The following ZFAT variants were observed in gnomAD, a reference collection of about 807,000 sequenced individuals.
ZFAT encodes the protein zinc finger and AT-hook domain containing, also known as zinc finger protein ZFAT.
Under a neutral mutation model 117.7 loss-of-function variants are expected in ZFAT, and 64 were observed. The ratio of observed to expected loss-of-function variants is 0.54; its 90% confidence interval spans 0.44 to 0.67. The LOEUF is 0.67. Ranked by LOEUF, ZFAT falls within the 30% of genes least tolerant of loss-of-function variation. The pLI is 0.00. For missense variants in ZFAT, 1,433 were observed against 1,584.5 expected (o/e 0.90, Z 1.62); for synonymous variants, 679 against 615.0 (o/e 1.10, Z -1.54).
chr8:134,503,621 C>T (rs1425036255), intron 15 of ZFAT, among the ~76,000 whole-genome samples: 4 of 152,180 alleles, frequency 2.6e-5, no homozygotes, highest in Non-Finnish European at 5.9e-5. Context: ...ATGGCCCTCC[C>T]TAGTGTGGGT....
At chr8:134,526,146 A>C (rs1821010385) in intron 12 of ZFAT, among the ~76,000 whole-genome samples, 1 of 152,236 alleles carries the variant, frequency 6.6e-6, no homozygotes, top group Middle Eastern at 3.2e-3. Flanking sequence ...TTAGGCTTTA[A>C]AATGAAATTA....
At chr8:134,485,048 T>C (rs970684624) in intron 15 of ZFAT, among the ~76,000 whole-genome samples, 1 of 152,134 alleles carries the variant, frequency 6.6e-6, no homozygotes, top group African/African-American at 2.4e-5. Flanking sequence ...TAAGAAGTGC[T>C]TGTTGTGGGT....
intron 1 of ZFAT, among the ~76,000 whole-genome samples, chr8:134,668,380 A>G (rs6998526): frequency 0.35 from 52,579 of 152,136 alleles, 9,465 homozygotes; most frequent in South Asian, 0.43. Context: ...CACCTCACAT[A>G]GCTGGGTACT....
chr8:134,594,509 A>G (rs1826769455), intron 7 of ZFAT, among the ~76,000 whole-genome samples: 1 of 152,246 alleles, frequency 6.6e-6, no homozygotes, highest in Non-Finnish European at 1.5e-5. Flanking sequence ...GCACTTCTCA[A>G]TGACAAAGGT....
the ZFAT span, among the ~76,000 whole-genome samples, chr8:134,820,903 CCT>C: frequency 6.6e-6 from 1 of 152,136 alleles, no homozygotes; most frequent in Non-Finnish European, 1.5e-5. Context: ...GTGTCTCGCC[CCT>C]GACACACCAG....
intron 13 of ZFAT, among the ~76,000 whole-genome samples, chr8:134,517,371 GCTCT>G (rs1249963261): frequency 6.6e-6 from 1 of 151,870 alleles, no homozygotes; most frequent in Non-Finnish European, 1.5e-5. Flanking sequence ...CTTCCATCTT[GCTCT>G]CTGTCTCCTT....
intron 1 of ZFAT, among the ~76,000 whole-genome samples, chr8:134,702,241 C>T (rs1199749532): frequency 6.6e-6 from 1 of 152,158 alleles, no homozygotes; most frequent in Non-Finnish European, 1.5e-5. Flanking sequence ...TTATAAGCAA[C>T]AGAAATCAGA....
At chr8:134,500,717 C>T (rs1489768228) in intron 15 of ZFAT, among the ~76,000 whole-genome samples, 1 of 152,082 alleles carries the variant, frequency 6.6e-6, no homozygotes, top group Non-Finnish European at 1.5e-5. Context: ...TTCAAACAAC[C>T]ACAGGAGAAC....
chr8:134,616,145 C>T (rs1586823401), intron 3 of ZFAT, among the ~76,000 whole-genome samples: 2 of 152,332 alleles, frequency 1.3e-5, no homozygotes, highest in East Asian at 1.9e-4. Context: ...CACCGCACTC[C>T]TGTACAAGCC....
intron 3 of ZFAT, among the ~76,000 whole-genome samples, chr8:134,619,323 A>G (rs1302829646): frequency 6.6e-6 from 1 of 152,204 alleles, no homozygotes; most frequent in Non-Finnish European, 1.5e-5. Context: ...TTCGAAGTAC[A>G]GTTTCTACTA....
At position 134,548,416 on chromosome 8, in the gene ZFAT, C is replaced by T. The variant is rs777785821; in HGVS notation, c.2977-15444G>A. 5.3e-5 allele frequency among the ~76,000 whole-genome samples: 8 copies of T among 152,094 alleles called. No individual in the cohort carries two copies. The South Asian group carries it at 6.2e-4, about 12-fold the overall frequency. Reference sequence around the variant, plus strand: ...CCAAGCACGGAGATGGAGTGGGACACGCCACGTCTGCAATGGAGGGTGGAG... The same window carrying T: ...CCAAGCACGGAGATGGAGTGGGACATGCCACGTCTGCAATGGAGGGTGGAG... On this transcript the variant is annotated intron_variant, in intron 11 of 15. Transcript: ENST00000377838.
chr8:134,504,355 A>G (rs1404506980), intron 15 of ZFAT, among the ~76,000 whole-genome samples: 1 of 152,218 alleles, frequency 6.6e-6, no homozygotes, highest in Non-Finnish European at 1.5e-5. Context: ...ATTATCATAA[A>G]GGCAAACTGT....
chr8:134,603,620 A>G (rs1019656437), intron 5 of ZFAT, among the ~76,000 whole-genome samples: 1 of 152,252 alleles, frequency 6.6e-6, no homozygotes, highest in African/African-American at 2.4e-5. Flanking sequence ...CCAAGAAAAG[A>G]GAACCAATGT....
chr8:134,735,816 G>A, the ZFAT span, among the ~76,000 whole-genome samples: 2 of 152,060 alleles, frequency 1.3e-5, no homozygotes, highest in African/African-American at 4.8e-5. Context: ...CTGACCCTAT[G>A]AGCCCAGTAG....
chr8:134,691,537 A>G (rs1178131481), intron 1 of ZFAT, among the ~76,000 whole-genome samples: 1 of 152,244 alleles, frequency 6.6e-6, no homozygotes, highest in East Asian at 1.9e-4. Flanking sequence ...CAAGGTGAGG[A>G]GGACGGGTAA....
chr8:134,769,741 C>G, the ZFAT span, among the ~76,000 whole-genome samples: 1 of 152,194 alleles, frequency 6.6e-6, no homozygotes, highest in Admixed American at 6.5e-5. Context: ...GCCACGCCTC[C>G]CCCCATCCCC....
chr8:134,782,527 C>A, the ZFAT span, among the ~76,000 whole-genome samples: 32 of 152,122 alleles, frequency 2.1e-4, no homozygotes, highest in Non-Finnish European at 4.6e-4. Flanking sequence ...AAAATAACTA[C>A]CTTATTTGTT....
intron 11 of ZFAT, among the ~76,000 whole-genome samples, chr8:134,545,618 G>C (rs766672395): frequency 2.5e-4 from 38 of 152,144 alleles, no homozygotes; most frequent in Non-Finnish European, 4.9e-4. Flanking sequence ...TAAAAGTAAG[G>C]CCACCCATGT....
the ZFAT span, among the ~76,000 whole-genome samples, chr8:134,812,485 C>G: frequency 6.6e-6 from 1 of 152,230 alleles, no homozygotes; most frequent in East Asian, 1.9e-4. Flanking sequence ...AATCCCAGCA[C>G]TTTGGGAGGC....
Sources: gnomAD v4.1 joint callset for allele counts (sites outside exome capture counted in the v4.1 genomes callset) on GRCh38, gnomAD v4.1.1 for gene constraint, MANE v1.5 for transcripts, NCBI Gene and HGNC (gene_info 2026-07-23, HGNC 2026-07-21) for gene names.